The following PTPRZ1 variants were observed in gnomAD, a reference collection of about 807,000 sequenced individuals.
PTPRZ1 encodes receptor-type tyrosine-protein phosphatase zeta.
In PTPRZ1, 82 loss-of-function variants were observed where a neutral mutation model predicts 214.1. The ratio of observed to expected loss-of-function variants is 0.38; its 90% CI spans 0.32 to 0.46. The LOEUF is 0.46. PTPRZ1 is among the 20% of genes least tolerant of loss of function. The pLI is 1.00. For synonymous variants in PTPRZ1, 945 were observed against 987.9 expected (o/e 0.96, Z 0.81); for missense variants, 2,603 against 2,748.7 (o/e 0.95, Z 1.19).
chr7:122,013,508 A>C lies in PTPRZ1; in HGVS notation c.4462A>C (p.Thr1488Pro). Residue 1488 changes from threonine to proline, a missense_variant, in exon 12 of 30, where the codon ACA (threonine) becomes CCA (proline). Thr to Pro is a conservative substitution (Grantham distance 38, BLOSUM62 -1). This residue lies in a region of PTPRZ1 where 1,913 missense variants were observed against 1,914.3 expected (regional missense o/e 1.00). Coordinates refer to ENST00000393386, the MANE Select transcript of PTPRZ1 (RefSeq NM_002851.3). ...SENSEEDNRVTSVSSDSQTGM... is the reference protein window; with the variant it reads ...SENSEEDNRVPSVSSDSQTGM... ...GAATTCTGAAGAAGATAATAGAGTC[A>C]CAAGTGTATCCTCAGACAGTCAAAC... 1.2e-6 allele frequency: 2 copies of C among 1,614,170 alleles called. No individual in the cohort carries two copies. Among genetic ancestry groups the C allele is most frequent in the Non-Finnish European group, 1.7e-6 (2 of 1,180,032 alleles).
intron 23 of PTPRZ1, among the ~76,000 whole-genome samples, chr7:122,046,464 A>C (rs142565810): frequency 9.3e-4 from 142 of 152,272 alleles, no homozygotes; most frequent in African/African-American, 2.6e-3. Flanking sequence ...GAAAAATGCC[A>C]TTATAGAGGT....
At chr7:122,053,379 A>G (rs1441081322) in intron 25 of PTPRZ1, among the ~76,000 whole-genome samples, 2 of 152,210 alleles carry the variant, frequency 1.3e-5, no homozygotes, top group Admixed American at 6.5e-5. Context: ...TGAAATGGTC[A>G]CTATGGAGCA....
At chr7:121,906,097 A>G (rs1314114940) in intron 1 of PTPRZ1, among the ~76,000 whole-genome samples, 1 of 152,108 alleles carries the variant, frequency 6.6e-6, no homozygotes, top group Non-Finnish European at 1.5e-5. Flanking sequence ...TTTCTAGGAA[A>G]CTGGAGAACT....
Position 121,957,722 on chromosome 7 carries a change from C to G in PTPRZ1, c.125-10229C>G, listed in dbSNP as rs576401905. 4.0e-4 allele frequency among the ~76,000 whole-genome samples: 61 copies of G among 152,274 alleles called. 1 individual carries two copies. Among genetic ancestry groups the G allele is most frequent in the Admixed American group, 1.2e-3 (18 of 15,292 alleles). On this transcript the variant is annotated intron_variant, in intron 2 of 29. Coordinates refer to ENST00000393386, the MANE Select transcript of PTPRZ1 (RefSeq NM_002851.3). ...ATTCTTTCTTTTACAGATAAGGTAACTGAGGCTCATGTAAGTGGTGGTGCT... is the reference window on the plus strand; with the variant it reads ...ATTCTTTCTTTTACAGATAAGGTAAGTGAGGCTCATGTAAGTGGTGGTGCT...
chr7:121,901,268 G>A (rs1794949777), intron 1 of PTPRZ1, among the ~76,000 whole-genome samples: 2 of 152,106 alleles, frequency 1.3e-5, no homozygotes, highest in Admixed American at 1.3e-4. Flanking sequence ...TACTCAAAGT[G>A]AGAAAACAGA....
In PTPRZ1 at chr7:122,038,837, A is replaced by G. The variant is rs1441034472; in HGVS notation, c.5450A>G (p.Glu1817Gly). Reference protein sequence around the residue: ...TAEDFWRMIWEHNVEVIVMIT... With the variant: ...TAEDFWRMIWGHNVEVIVMIT... Reference sequence around the variant, plus strand: ...GAAGATTTCTGGAGAATGATATGGGAACATAATGTGGAAGTTATTGTCATG... The same window carrying G: ...GAAGATTTCTGGAGAATGATATGGGGACATAATGTGGAAGTTATTGTCATG... Residue 1817 changes from glutamate (E) to glycine (G), a missense_variant, in exon 19 of 30, where the codon GAA becomes GGA. This residue lies in a region of PTPRZ1 where 1,913 missense variants were observed against 1,914.3 expected (regional missense o/e 1.00). Coordinates refer to ENST00000393386, the MANE Select transcript of PTPRZ1 (RefSeq NM_002851.3). 6.2e-7 allele frequency: 1 copy of G among 1,613,730 alleles called. No homozygotes were observed. Among genetic ancestry groups the G allele is most frequent in the Non-Finnish European group, 8.5e-7 (1 of 1,179,816 alleles).
At chr7:121,946,984 G>A (rs559074623) in intron 2 of PTPRZ1, among the ~76,000 whole-genome samples, 2 of 152,190 alleles carry the variant, frequency 1.3e-5, no homozygotes, top group South Asian at 2.1e-4. Context: ...ACAAGTAAAG[G>A]CAACATGTGT....
At chr7:122,005,399 A>T (rs1050615123) in intron 11 of PTPRZ1, among the ~76,000 whole-genome samples, 2 of 151,958 alleles carry the variant, frequency 1.3e-5, no homozygotes, top group African/African-American at 4.8e-5. Context: ...GTACATGTGT[A>T]TAGATTGTGT....
chr7:121,985,738 CTCA>C (rs1797747467), intron 8 of PTPRZ1, among the ~76,000 whole-genome samples: 1 of 152,196 alleles, frequency 6.6e-6, no homozygotes, highest in African/African-American at 2.4e-5. Flanking sequence ...GGACTGCACA[CTCA>C]AGGAGACACC....
At chr7:121,985,533 C>T (rs1322645260) in intron 8 of PTPRZ1, among the ~76,000 whole-genome samples, 1 of 152,150 alleles carries the variant, frequency 6.6e-6, no homozygotes, top group Non-Finnish European at 1.5e-5. Flanking sequence ...CATGAAGTCC[C>T]CTGAAGATGC....
intron 8 of PTPRZ1, among the ~76,000 whole-genome samples, chr7:121,990,329 C>T (rs35258872): frequency 0.36 from 55,154 of 151,808 alleles, 11,467 homozygotes; most frequent in Middle Eastern, 0.48. Flanking sequence ...TTTGCATTCA[C>T]AGCAGGCGCT....
intron 1 of PTPRZ1, among the ~76,000 whole-genome samples, chr7:121,897,044 T>C (rs1217229404): frequency 6.6e-6 from 1 of 152,220 alleles, no homozygotes; most frequent in Non-Finnish European, 1.5e-5. Context: ...TAGCTTGGTT[T>C]GTATTGTCCT....
In PTPRZ1 at chr7:121,920,585, A is replaced by G. The variant is rs1318233891; in HGVS notation, c.59-7571A>G. Among the ~76,000 whole-genome samples the G allele has an allele frequency of 2.0e-5, 3 of 152,324 alleles. No homozygotes were observed. In the East Asian group the frequency reaches 5.8e-4, roughly 29 times the overall value. On this transcript the variant is annotated intron_variant, in intron 1 of 29. Coordinates refer to ENST00000393386, the MANE Select transcript of PTPRZ1 (RefSeq NM_002851.3). The stretch of plus-strand genomic sequence containing the variant: ...ATGGAACAAATTCACTGTTATAGAC[A>G]TAAAACTAGGTAACTATAATGATTG...
At position 122,044,449 on chromosome 7, in the gene PTPRZ1, C is replaced by G; in HGVS notation, c.5965C>G (p.Leu1989Val). The stretch of plus-strand genomic sequence containing the variant: ...GCAATATGTCTTCATTCATGATACA[C>G]TGGTTGAGGCCATACTTAGTAAAGA... ...EEQYVFIHDT[L>V]VEAILSKETE... is the part of the protein sequence containing the mutation. The change falls in exon 23 of 30, where the codon CTG becomes GTG. Residue 1989 changes from leucine (L) to valine (V), a missense_variant. By Grantham distance (32) the Leu-to-Val change is conservative (BLOSUM62 1). Coordinates refer to ENST00000393386, the MANE Select transcript of PTPRZ1 (RefSeq NM_002851.3). 2 of 1,613,868 alleles carry G rather than the reference C, an allele frequency of 1.2e-6. No individual in the cohort carries two copies. The highest frequency in any genetic ancestry group is 1.1e-5 in the South Asian group (1 of 91,080).
intron 1 of PTPRZ1, among the ~76,000 whole-genome samples, chr7:121,900,415 T>C (rs1010343530): frequency 9.2e-5 from 14 of 152,178 alleles, no homozygotes; most frequent in African/African-American, 3.1e-4. Flanking sequence ...ATTTATTGGA[T>C]TGGATCCCAT....
Position 122,013,566 on chromosome 7 carries a change from C to T in PTPRZ1, c.4520C>T (p.Ser1507Leu), listed in dbSNP as rs1173587849. The T allele has an allele frequency of 1.2e-6, 2 of 1,614,188 alleles. No homozygotes were observed. The highest frequency in any genetic ancestry group is 3.3e-5 in the Admixed American group (2 of 60,026). Reference sequence around the variant, plus strand: ...GACAGAAGTCCTGGTAAATCACCATCAGCAAATGGGCTATCCCAAAAGCAC... The same window carrying T: ...GACAGAAGTCCTGGTAAATCACCATTAGCAAATGGGCTATCCCAAAAGCAC... ...GMDRSPGKSP[S>L]ANGLSQKHND... Residue 1507 changes from serine (S) to leucine (L), a missense_variant, in exon 12 of 30, where the codon TCA becomes TTA. By Grantham distance (145) the Ser-to-Leu change is moderately radical. Coordinates refer to ENST00000393386, the MANE Select transcript of PTPRZ1 (RefSeq NM_002851.3).
intron 1 of PTPRZ1, among the ~76,000 whole-genome samples, chr7:121,875,797 A>G (rs573760092): frequency 9.2e-5 from 14 of 152,356 alleles, no homozygotes; most frequent in African/African-American, 2.9e-4. Flanking sequence ...GAGGCACATT[A>G]TCTTCAAATG....
At chr7:121,994,922 G>A (rs1389374385) in intron 8 of PTPRZ1, among the ~76,000 whole-genome samples, 1 of 151,908 alleles carries the variant, frequency 6.6e-6, no homozygotes, top group Non-Finnish European at 1.5e-5. Context: ...AACATCAAAG[G>A]TTTGAAGTGA....
Position 122,013,046 on chromosome 7 carries a change from G to A in PTPRZ1, c.4000G>A (p.Asp1334Asn), listed in dbSNP as rs751986386. Residue 1334 changes from aspartate (D) to asparagine (N), a missense_variant, in exon 12 of 30, where the codon GAT (aspartate) becomes AAT (asparagine). Around this residue, in one of 6 missense-constraint regions of PTPRZ1, gnomAD observed 1,913 missense variants for 1,914.3 expected, o/e 1.00. Transcript: ENST00000393386. Reference protein sequence around the residue: ...NTLINKLIHSDEILTSTKSSV... With the variant: ...NTLINKLIHSNEILTSTKSSV... ...ACTAATAAATAAGCTTATACATTCC[G>A]ATGAAATTTTAACCTCCACCAAAAG... 16 of 1,613,754 alleles carry A rather than the reference G, an allele frequency of 9.9e-6. No individual in the cohort carries two copies. Among genetic ancestry groups the A allele is most frequent in the South Asian group, 5.5e-5 (5 of 91,062 alleles).
Sources: allele counts gnomAD v4.1 joint callset (sites outside exome capture counted in the v4.1 genomes callset), GRCh38; gene constraint gnomAD v4.1.1; regional missense constraint gnomAD v4.1.1; transcripts MANE v1.5; gene names NCBI Gene and HGNC (gene_info 2026-07-23, HGNC 2026-07-21).